SH3TC2: variants seen among roughly 807,000 people sequenced by gnomAD.
SH3TC2 encodes the protein SH3 domain and tetratricopeptide repeats 2.
A neutral mutation model predicts 124.5 loss-of-function variants in SH3TC2; 87 were observed. That is an observed-to-expected ratio of 0.70 (90% confidence interval 0.59 to 0.84). The LOEUF is 0.84. Among genes scored for constraint, SH3TC2 ranks in the 40% least tolerant of loss-of-function variants. SH3TC2 has a pLI of 0.00. For missense variants in SH3TC2, 1,536 were observed against 1,566.4 expected (o/e 0.98, Z 0.33); for synonymous variants, 634 against 628.5 (o/e 1.01, Z -0.13).
intron 2 of SH3TC2, 83 bp downstream of exon 2, chr5:149,052,059 G>A: frequency 1.0e-6 from 1 of 967,748 alleles, no homozygotes. Flanking sequence ...GAAAGAGGGA[G>A]GGGCTCTTTA....
chr5:149,028,281 T>C lies in SH3TC2; in HGVS notation c.1451A>G (p.Lys484Arg). Residue 484 changes from lysine to arginine, a missense_variant, in exon 11 of 17, where the codon AAG (lysine) becomes AGG (arginine). Physicochemically the swap from Lys to Arg is conservative, Grantham distance 26 (BLOSUM62 2). Coordinates refer to ENST00000515425, the MANE Select transcript of SH3TC2 (RefSeq NM_024577.4). ...LDHEGYADHF[K>R]SLYDFSFSFL... ...AGAGAAGGAGAAGTCATAGAGACTC[T>C]TAAAGTGGTCAGCATAACCCTCATG... 6.2e-7 allele frequency: 1 copy of C among 1,613,954 alleles called. No homozygotes were observed.
At position 148,992,587 on chromosome 5, in the gene SH3TC2, A is replaced by T. The variant is rs2127388437; in HGVS notation, c.*12124T>A. Reference sequence around the variant, plus strand: ...TGGGTGTGTATACATAATTCCAAGAAGAGATTTCATTGGTTTTTTTTTTTT... The same window carrying T: ...TGGGTGTGTATACATAATTCCAAGATGAGATTTCATTGGTTTTTTTTTTTT... On this transcript the variant is annotated 3_prime_UTR_variant, in exon 17 of 17. Coordinates refer to ENST00000515425, the MANE Select transcript of SH3TC2 (RefSeq NM_024577.4). Among the ~76,000 whole-genome samples the T allele has an allele frequency of 6.9e-6, 1 of 144,536 alleles. No homozygotes were observed. The highest frequency in any genetic ancestry group is 1.5e-5 in the Non-Finnish European group (1 of 66,912). The allele number at this position is 144,536 out of a possible 152,430, so 94.8% of individuals were successfully genotyped here. A position where few individuals can be genotyped will look rare whatever the true frequency, so the allele number is the denominator to read the frequency against.
At chr5:149,011,993 A>G (rs1161962950) in intron 13 of SH3TC2, among the ~76,000 whole-genome samples, 1 of 152,180 alleles carries the variant, frequency 6.6e-6, no homozygotes, top group Non-Finnish European at 1.5e-5. Flanking sequence ...ATGCTAAAAG[A>G]TAGAGTTCAG....
rs184311821 is a variant in SH3TC2, at chr5:148,992,539, T to A, written c.*12172A>T. 1.3e-5 allele frequency among the ~76,000 whole-genome samples: 2 copies of A among 151,004 alleles called. No individual in the cohort carries two copies. The highest frequency in any genetic ancestry group is 2.1e-4 in the South Asian group (1 of 4,746). ...CCTTGGGCGTGCATTAAAGGGTCCA[T>A]GAGGCCTTTGAAAGTATGTGTATGG... On this transcript the variant is annotated 3_prime_UTR_variant, in exon 17 of 17. Transcript: ENST00000515425.
rs529904946 is a variant in SH3TC2, at chr5:149,006,878, T to C, written c.3675+3A>G. 13 of 1,613,074 alleles carry C rather than the reference T, an allele frequency of 8.1e-6. No individual in the cohort carries two copies. In the South Asian group the frequency reaches 1.3e-4, roughly 16 times the overall value. On this transcript the variant is annotated splice_donor_region_variant and intron_variant, in intron 16 of 16. Transcript: ENST00000515425. Reference sequence around the variant, plus strand: ...CAGGAAATCTGGGAAGTCTGGCTCTTACCTTCAGCTGGCAGAAGGTGAGTC... The same window carrying C: ...CAGGAAATCTGGGAAGTCTGGCTCTCACCTTCAGCTGGCAGAAGGTGAGTC...
At chr5:149,047,322 C>G (rs1237718273) in intron 3 of SH3TC2, 1 of 159,016 alleles carries the variant, frequency 6.3e-6, no homozygotes, top group Non-Finnish European at 1.4e-5. Flanking sequence ...TTAGCGGTTA[C>G]CAGGAGCTGA....
intron 12 of SH3TC2, among the ~76,000 whole-genome samples, chr5:149,023,449 C>T (rs1356754170): frequency 6.6e-6 from 1 of 151,844 alleles, no homozygotes; most frequent in Non-Finnish European, 1.5e-5. Context: ...CATATATAAA[C>T]TTTAAAATGC....
Position 149,041,599 on chromosome 5 carries a change from G to A in SH3TC2, c.548C>T (p.Ala183Val). 6.2e-7 allele frequency: 1 copy of A among 1,614,194 alleles called. No homozygotes were observed. The highest frequency in any genetic ancestry group is 8.5e-7 in the Non-Finnish European group (1 of 1,180,038). The part of the protein sequence containing the change: ...LIQEGHFFCR[A>V]LCSVTPPAEK... ...GGCTGGTGGAGTCACGGAGCACAGG[G>A]CTCTGCAGAAGAAGTGGCCTGTGGA... The change falls in exon 6 of 17, where the codon GCC (alanine) becomes GTC (valine). Residue 183 changes from alanine (A) to valine (V), a missense_variant. By Grantham distance (64) the Ala-to-Val change is moderately conservative. Transcript: ENST00000515425.
chr5:148,998,160 G>A lies in SH3TC2; in HGVS notation c.*6551C>T, dbSNP rs989165217. ...ATAGAACAAAACAGAATGTATGAGT[G>A]CATTTCTCTATGTTGTTGCATATGC... On this transcript the variant is annotated 3_prime_UTR_variant, in exon 17 of 17. Coordinates refer to ENST00000515425, the MANE Select transcript of SH3TC2 (RefSeq NM_024577.4). Among the ~76,000 whole-genome samples the A allele has an allele frequency of 6.6e-6, 1 of 152,098 alleles. No homozygotes were observed. The highest frequency in any genetic ancestry group is 2.4e-5 in the African/African-American group (1 of 41,410).
intron 9 of SH3TC2, among the ~76,000 whole-genome samples, chr5:149,029,664 G>C (rs564798817): frequency 6.6e-6 from 1 of 152,218 alleles, no homozygotes; most frequent in East Asian, 1.9e-4. Context: ...GGCACAGTCA[G>C]AGAGAAAAGG....
At chr5:149,061,135 C>A (rs908408592) in intron 1 of SH3TC2, among the ~76,000 whole-genome samples, 2 of 152,082 alleles carry the variant, frequency 1.3e-5, no homozygotes, top group African/African-American at 2.4e-5. Flanking sequence ...AAGGTGAATG[C>A]GGGGTGCCAG....
rs994939871 is a variant in SH3TC2 at position 149,042,633 on chromosome 5, C to T, written c.529+61G>A. On this transcript the variant is annotated intron_variant, in intron 5 of 16. Transcript: ENST00000515425. ...CCCTCCCTTTGCATCCTGCTTATTT[C>T]ATGGCCTCTGGTAGCAAATATCTGA... The T allele has an allele frequency of 1.1e-5, 17 of 1,605,392 alleles. No individual in the cohort carries two copies. The African/African-American group carries it at 2.1e-4, about 20-fold the overall frequency.
chr5:148,986,464 G>A lies in SH3TC2; in HGVS notation c.*18247C>T, dbSNP rs1463941714. ...CACTCACTCCCTATTACATCTCCTTGTCTTACTTTTATCATAGCACTCATT... is the reference window on the plus strand; with the variant it reads ...CACTCACTCCCTATTACATCTCCTTATCTTACTTTTATCATAGCACTCATT... On this transcript the variant is annotated 3_prime_UTR_variant, in exon 17 of 17. Transcript: ENST00000515425. Among the ~76,000 whole-genome samples the A allele has an allele frequency of 6.6e-6, 1 of 152,154 alleles. No individual in the cohort carries two copies. Among genetic ancestry groups the A allele is most frequent in the Admixed American group, 6.5e-5 (1 of 15,274 alleles).
intron 1 of SH3TC2, among the ~76,000 whole-genome samples, chr5:149,055,880 A>G (rs1253986879): frequency 6.6e-6 from 1 of 152,150 alleles, no homozygotes; most frequent in African/African-American, 2.4e-5. Flanking sequence ...CCAGGAGTTC[A>G]AGCCCAGCCT....
chr5:149,035,002 C>T (rs1754258851), intron 8 of SH3TC2, among the ~76,000 whole-genome samples: 2 of 151,918 alleles, frequency 1.3e-5, no homozygotes, highest in African/African-American at 4.8e-5. Flanking sequence ...ATTTATAACC[C>T]ACAGATCTTC....
chr5:149,030,312 G>C (rs985773085), intron 9 of SH3TC2, among the ~76,000 whole-genome samples: 1 of 152,210 alleles, frequency 6.6e-6, no homozygotes, highest in Non-Finnish European at 1.5e-5. Flanking sequence ...GCTTGTCTTG[G>C]TGCTGGGGCA....
intron 3 of SH3TC2, 22 bp from the exon 4 acceptor site, chr5:149,044,660 T>G: frequency 6.3e-7 from 1 of 1,588,270 alleles, no homozygotes; most frequent in Non-Finnish European, 8.6e-7. Flanking sequence ...AAACAATGAG[T>G]CAGCCTGGGA....
In SH3TC2 at chr5:148,996,872, A is replaced by G. The variant is rs1753518146; in HGVS notation, c.*7839T>C. Among the ~76,000 whole-genome samples, 1 of 152,236 alleles carries G rather than the reference A, an allele frequency of 6.6e-6. No homozygotes were observed. Among genetic ancestry groups the G allele is most frequent in the Non-Finnish European group, 1.5e-5 (1 of 68,036 alleles). The stretch of plus-strand genomic sequence containing the variant: ...TTAAAATAAAAGACAGAAGCGAGGT[A>G]TCTATTTTCAAAATCCTTTTCATAG... On this transcript the variant is annotated 3_prime_UTR_variant, in exon 17 of 17. Transcript: ENST00000515425.
chr5:149,019,116 G>A (rs1484407591), intron 12 of SH3TC2, among the ~76,000 whole-genome samples: 1 of 152,096 alleles, frequency 6.6e-6, no homozygotes, highest in African/African-American at 2.4e-5. Flanking sequence ...TCTGTGCCAG[G>A]AAAAAAATTG....
Sources: allele counts gnomAD v4.1 joint callset (sites outside exome capture counted in the v4.1 genomes callset), GRCh38; gene constraint gnomAD v4.1.1; transcripts MANE v1.5; gene names NCBI Gene and HGNC (gene_info 2026-07-23, HGNC 2026-07-21).